The following FBXO25 variants were observed in gnomAD, a reference collection of about 807,000 sequenced individuals.
The protein encoded by FBXO25 is F-box only protein 25.
FBXO25 carries 45 observed loss-of-function variants against 51.9 expected under a neutral mutation model. The ratio of observed to expected loss-of-function variants is 0.87; its 90% CI spans 0.68 to 1.11. The LOEUF is 1.11. Among genes scored for constraint, FBXO25 ranks in the 50% most tolerant of loss-of-function variants. The pLI is 0.00. For synonymous variants in FBXO25, 199 were observed against 151.0 expected (o/e 1.32, Z -2.33); for missense variants, 507 against 428.5 (o/e 1.18, Z -1.62).
At chr8:411,023 T>C (rs551130813) in intron 1 of FBXO25, among the ~76,000 whole-genome samples, 1 of 152,236 alleles carries the variant, frequency 6.6e-6, no homozygotes, top group Non-Finnish European at 1.5e-5. Flanking sequence ...GCTTGTTTTT[T>C]GTTAATTATA....
chr8:459,286 A>G (rs1390838223), intron 8 of FBXO25, among the ~76,000 whole-genome samples: 6 of 152,350 alleles, frequency 3.9e-5, no homozygotes, highest in South Asian at 2.1e-4. Flanking sequence ...TTGAAGACCT[A>G]GGATGGGACT....
intron 5 of FBXO25, among the ~76,000 whole-genome samples, chr8:439,168 G>A (rs916146352): frequency 2.0e-5 from 3 of 152,174 alleles, no homozygotes; most frequent in Non-Finnish European, 4.4e-5. Context: ...TGTGACTGTG[G>A]TTTTTACACA....
intron 1 of FBXO25, 76 bp from the exon 2 acceptor site, chr8:412,991 TTTAAAA>T (rs1489626207): frequency 4.6e-6 from 5 of 1,078,478 alleles, no homozygotes; most frequent in Non-Finnish European, 6.2e-6. Context: ...AACTTTAATC[TTTAAAA>T]TTAATAAATG....
rs13252052 is a variant in FBXO25, at chr8:445,669, A to G, written c.382-4321A>G. 8.8e-3 allele frequency among the ~76,000 whole-genome samples: 1,344 copies of G among 152,324 alleles called. 8 individuals are homozygous for G. The highest frequency in any genetic ancestry group is 0.016 in the Non-Finnish European group (1,056 of 68,032). On this transcript the variant is annotated intron_variant, in intron 5 of 9. Transcript: ENST00000350302. ...GGAGTTTGAGACCAGCCTGGCCAAC[A>G]TGGTGAAACCTGTCTCTACTAAAAA... is the stretch of plus-strand genomic sequence containing the variant.
rs1330507118 is a variant in FBXO25 at position 435,643 on chromosome 8, C to G, written c.317C>G (p.Ala106Gly). ...CATGGCTATTGCACCTTGGGAGAAG[C>G]CTTTAATCGGTTAGACTTCTCAAGT... is the stretch of plus-strand genomic sequence containing the variant. ...ERHGYCTLGE[A>G]FNRLDFSSAI... Residue 106 changes from alanine (A) to glycine (G), a missense_variant, in exon 5 of 10, where the codon GCC becomes GGC. Transcript: ENST00000350302. 2.5e-6 allele frequency: 4 copies of G among 1,606,186 alleles called. No homozygotes were observed. Among genetic ancestry groups the G allele is most frequent in the Admixed American group, 1.7e-5 (1 of 58,070 alleles).
At chr8:418,677 A>G (rs1217053232) in intron 2 of FBXO25, among the ~76,000 whole-genome samples, 1 of 152,166 alleles carries the variant, frequency 6.6e-6, no homozygotes, top group African/African-American at 2.4e-5. Context: ...TTCAAAAGAA[A>G]TTATATTTCC....
In FBXO25 at chr8:465,949, A is replaced by G. The variant is rs139480300; in HGVS notation, c.988-2766A>G. ...GTGAACTTTGTTATCATACTTGATCATATCATGGAAATTGAGAACAAGTCT... is the reference window on the plus strand; with the variant it reads ...GTGAACTTTGTTATCATACTTGATCGTATCATGGAAATTGAGAACAAGTCT... On this transcript the variant is annotated intron_variant, in intron 9 of 9. Transcript: ENST00000350302. Among the ~76,000 whole-genome samples, 537 of 152,296 alleles carry G rather than the reference A, an allele frequency of 3.5e-3. 2 individuals are homozygous for G. The highest frequency in any genetic ancestry group is 0.012 in the African/African-American group (516 of 41,556).
Position 477,386 on chromosome 8 carries a change from C to G in FBXO25, c.*8582C>G, listed in dbSNP as rs553091560. On this transcript the variant is annotated 3_prime_UTR_variant, in exon 10 of 10. Transcript: ENST00000350302. ...TCTCCTACTCTTACTGTAGAACTATCCATTTCTTCCTTTGATTCTGTCAAT... is the reference window on the plus strand; with the variant it reads ...TCTCCTACTCTTACTGTAGAACTATGCATTTCTTCCTTTGATTCTGTCAAT... 1 of 152,216 alleles carries G rather than the reference C, an allele frequency of 6.6e-6. No homozygotes were observed. The highest frequency in any genetic ancestry group is 2.4e-5 in the African/African-American group (1 of 41,442). The allele number at this position is 152,216 out of a possible 1,614,324, so 9.4% of individuals were successfully genotyped here.
chr8:437,811 T>C (rs1047733315), intron 5 of FBXO25, among the ~76,000 whole-genome samples: 1 of 152,090 alleles, frequency 6.6e-6, no homozygotes, highest in African/African-American at 2.4e-5. Flanking sequence ...ATTTTTTTGC[T>C]GTTTTAAATG....
chr8:413,417 T>A (rs1388712219), intron 2 of FBXO25, among the ~76,000 whole-genome samples: 1 of 152,170 alleles, frequency 6.6e-6, no homozygotes, highest in African/African-American at 2.4e-5. Flanking sequence ...TTTTTTTTTT[T>A]AATTTAAAAC....
In FBXO25 at chr8:415,828, A is replaced by G. The variant is rs183731211; in HGVS notation, c.134+2615A>G. On this transcript the variant is annotated intron_variant, in intron 2 of 9. Coordinates refer to ENST00000350302, the MANE Select transcript of FBXO25 (RefSeq NM_183420.2). ...TTCCTATAAAGGAAAGATACTGAAG[A>G]AGAGTGTCTAAATACTATATATCTT... Among the ~76,000 whole-genome samples the G allele has an allele frequency of 8.5e-5, 13 of 152,326 alleles. 1 individual carries two copies. The highest frequency in any genetic ancestry group is 1.9e-4 in the African/African-American group (8 of 41,560).
At chr8:460,601 C>T (rs920427434) in intron 8 of FBXO25, among the ~76,000 whole-genome samples, 1 of 152,184 alleles carries the variant, frequency 6.6e-6, no homozygotes, top group African/African-American at 2.4e-5. Context: ...ACTGGAGCAT[C>T]TGGTGGGATG....
intron 2 of FBXO25, among the ~76,000 whole-genome samples, chr8:427,501 A>G (rs376145901): frequency 0.02 from 2,875 of 146,596 alleles, 17 homozygotes; most frequent in African/African-American, 0.058. Flanking sequence ...AACTGAAGTA[A>G]CTTGAAAAGA....
chr8:436,047 C>G (rs535893763), intron 5 of FBXO25, among the ~76,000 whole-genome samples: 2 of 152,330 alleles, frequency 1.3e-5, no homozygotes, highest in East Asian at 3.9e-4. Flanking sequence ...GGATCTTTAC[C>G]TGATGATTTC....
rs1400137260 is a variant in FBXO25 at position 469,621 on chromosome 8, G to GAT, written c.*819_*820dup. 6.6e-6 allele frequency: 1 copy of GAT among 152,176 alleles called. No homozygotes were observed. The highest frequency in any genetic ancestry group is 6.5e-5 in the Admixed American group (1 of 15,284). 9.4% of individuals were successfully genotyped at this position (152,176 alleles called of 1,614,324 possible). On this transcript the variant is annotated 3_prime_UTR_variant, in exon 10 of 10. Coordinates refer to ENST00000350302, the MANE Select transcript of FBXO25 (RefSeq NM_183420.2). ...CCTACTGAGAAATGTTAGTGATTTT[G>GAT]ATACTTAAATCCTTAAAAGATTGCT...
Position 476,187 on chromosome 8 carries a change from A to T in FBXO25, c.*7383A>T, listed in dbSNP as rs977107016. 1.3e-5 allele frequency: 2 copies of T among 152,192 alleles called. No homozygotes were observed. Among genetic ancestry groups the T allele is most frequent in the Admixed American group, 1.3e-4 (2 of 15,276 alleles). The allele number at this position is 152,192 out of a possible 1,614,324, so 9.4% of individuals were successfully genotyped here. A position where few individuals can be genotyped will look rare whatever the true frequency, so the allele number is the denominator to read the frequency against. On this transcript the variant is annotated 3_prime_UTR_variant, in exon 10 of 10. Coordinates refer to ENST00000350302, the MANE Select transcript of FBXO25 (RefSeq NM_183420.2). The stretch of plus-strand genomic sequence containing the variant: ...TACATTTATTGACTTGAGCATGTTG[A>T]AACATCTTTGCATACCAGCTGTAAA...
chr8:435,770 G>T (rs1430139795), intron 5 of FBXO25, 63 bp downstream of exon 5: 12 of 1,551,876 alleles, frequency 7.7e-6, no homozygotes, highest in African/African-American at 1.4e-5. Flanking sequence ...TTTGAAGATT[G>T]TAAGTGTACA....
intron 7 of FBXO25, among the ~76,000 whole-genome samples, chr8:457,925 C>T (rs1454211772): frequency 1.3e-5 from 2 of 152,232 alleles, no homozygotes; most frequent in African/African-American, 4.8e-5. Context: ...GGCCTAGGGG[C>T]TGTCCAGGCC....
At chr8:458,181 T>G in intron 7 of FBXO25, among the ~76,000 whole-genome samples, 188 bp from the exon 8 acceptor site, 1 of 152,214 alleles carries the variant, frequency 6.6e-6, no homozygotes. Flanking sequence ...AGCCCTCTCT[T>G]GCTCTCCTCC....
Sources: allele counts gnomAD v4.1 joint callset (sites outside exome capture counted in the v4.1 genomes callset), GRCh38; gene constraint gnomAD v4.1.1; transcripts MANE v1.5; gene names NCBI Gene and HGNC (gene_info 2026-07-23, HGNC 2026-07-21).